The following CTBP2 variants were observed in gnomAD, a reference collection of about 807,000 sequenced individuals.
The protein encoded by CTBP2 is C-terminal binding protein 2.
Under a neutral mutation model 80.3 loss-of-function variants are expected in CTBP2, and 30 were observed. The observed-to-expected ratio is 0.37, with a 90% CI of 0.28 to 0.51. The LOEUF is 0.51. Ranked by LOEUF, CTBP2 falls within the 20% of genes least tolerant of loss-of-function variation. CTBP2 has a pLI of 0.93. For missense variants in CTBP2, 1,212 were observed against 1,375.3 expected, an observed-to-expected ratio of 0.88 and a Z score of 1.88; for synonymous variants, 594 against 587.4, an observed-to-expected ratio of 1.01 and a Z score of -0.16.
intron 2 of CTBP2, among the ~76,000 whole-genome samples, chr10:125,106,408 G>A (rs1486834974): frequency 1.3e-5 from 2 of 152,190 alleles, no homozygotes; most frequent in African/African-American, 4.8e-5. Flanking sequence ...AGCAAGGGAC[G>A]CGGGGCGACC....
chr10:125,146,658 A>C (rs946555490), intron 1 of CTBP2, among the ~76,000 whole-genome samples: 1 of 152,130 alleles, frequency 6.6e-6, no homozygotes, highest in African/African-American at 2.4e-5. Flanking sequence ...GCCCACTCTG[A>C]AGGTGACAAA....
At chr10:125,112,430 G>GTTT (rs59714965) in intron 1 of CTBP2, among the ~76,000 whole-genome samples, 5 of 92,344 alleles carry the variant, frequency 5.4e-5, no homozygotes, top group Non-Finnish European at 6.9e-5. Context: ...TACCTTTTTC[G>GTTT]TTTTTTTTTT....
Position 125,026,525 on chromosome 10 carries a change from T to C in CTBP2, c.1235A>G (p.Gln412Arg), listed in dbSNP as rs1310734622. The change falls in exon 1 of 9, where the codon CAG becomes CGG. Residue 412 changes from glutamine to arginine, a missense_variant. Gln to Arg is a conservative substitution (Grantham distance 43). This residue lies in a region of CTBP2 where 848 missense variants were observed against 782.3 expected (regional missense o/e 1.08). Coordinates refer to ENST00000309035, the MANE Select transcript of CTBP2 (RefSeq NM_022802.3). ...GGTGGCTGCCGTCTCCAGGAGGTGC[T>C]GAGATGGTGCGCTGGAGGGACGGCG... The C allele has an allele frequency of 3.1e-6, 5 of 1,594,386 alleles. No homozygotes were observed. The highest frequency in any genetic ancestry group is 4.6e-5 in the East Asian group (2 of 43,816).
At chr10:125,082,158 G>C (rs1847266262) in intron 2 of CTBP2, among the ~76,000 whole-genome samples, 1 of 152,232 alleles carries the variant, frequency 6.6e-6, no homozygotes, top group Admixed American at 6.5e-5. Context: ...GGCCACGCCG[G>C]AGCTGGGGGC....
chr10:125,050,937 A>T (rs934609082), intron 2 of CTBP2, among the ~76,000 whole-genome samples: 1 of 152,098 alleles, frequency 6.6e-6, no homozygotes, highest in Non-Finnish European at 1.5e-5. Context: ...CTGGAGAGGG[A>T]GACATCTGGA....
intron 2 of CTBP2, among the ~76,000 whole-genome samples, chr10:125,061,378 G>A (rs533568149): frequency 1.7e-4 from 26 of 152,142 alleles, no homozygotes; most frequent in Non-Finnish European, 3.2e-4. Flanking sequence ...CCTTGACGGT[G>A]GCTCCACTGG....
rs752149706 is a variant in CTBP2, at chr10:125,026,320, G to A, written c.1440C>T (p.Tyr480=). 1.2e-5 allele frequency: 19 copies of A among 1,613,826 alleles called. No homozygotes were observed. Among genetic ancestry groups the A allele is most frequent in the Non-Finnish European group, 1.4e-5 (17 of 1,179,986 alleles). ...CCATGGGCACCGTGTATGCCGTGGA[G>A]TAGGCTGTTCTGGGGCCTGGGTGAA... is the stretch of plus-strand genomic sequence containing the variant. The change falls in exon 1 of 9, where the codon TAC becomes TAT. Residue 480 remains tyrosine, a synonymous_variant. Coordinates refer to ENST00000309035, the MANE Select transcript of CTBP2 (RefSeq NM_022802.3).
intron 3 of CTBP2, among the ~76,000 whole-genome samples, chr10:125,034,858 C>T (rs1391964665): frequency 6.6e-6 from 1 of 152,196 alleles, no homozygotes; most frequent in African/African-American, 2.4e-5. Flanking sequence ...GAGAAAGTCA[C>T]TCTCTCATCC....
intron 1 of CTBP2, among the ~76,000 whole-genome samples, chr10:125,125,965 G>C (rs1261404315): frequency 6.6e-6 from 1 of 152,258 alleles, no homozygotes; most frequent in Non-Finnish European, 1.5e-5. Flanking sequence ...TCAGGGCTGA[G>C]CATTCGAGAA....
intron 3 of CTBP2, 102 bp from the exon 6 acceptor site, chr10:124,998,272 C>CG (rs1953933407): frequency 3.8e-6 from 5 of 1,322,582 alleles, no homozygotes; most frequent in Non-Finnish European, 4.2e-6. Flanking sequence ...TTGTTGGCAC[C>CG]GGGGGAGGCC....
At chr10:125,006,106 G>A in intron 1 of CTBP2, 1 of 954,470 alleles carries the variant, frequency 1.0e-6, no homozygotes. Context: ...CCCCGACACG[G>A]GTTGCCTTTC....
chr10:125,019,726 A>G (rs1956861647), intron 1 of CTBP2, among the ~76,000 whole-genome samples: 1 of 152,236 alleles, frequency 6.6e-6, no homozygotes, highest in Non-Finnish European at 1.5e-5. Context: ...ACATAAGAAT[A>G]TATCTTCATG....
At chr10:125,022,415 C>T (rs1234068025) in intron 1 of CTBP2, among the ~76,000 whole-genome samples, 1 of 152,208 alleles carries the variant, frequency 6.6e-6, no homozygotes, top group Non-Finnish European at 1.5e-5. Flanking sequence ...CATCTGGCCA[C>T]AGGCCTGGCA....
chr10:125,067,505 C>T (rs552893955), intron 2 of CTBP2, among the ~76,000 whole-genome samples: 2 of 152,140 alleles, frequency 1.3e-5, no homozygotes, highest in Non-Finnish European at 2.9e-5. Context: ...CTCCATGTAA[C>T]CTTCTAGACG....
intron 2 of CTBP2, among the ~76,000 whole-genome samples, chr10:125,098,007 G>C (rs1472009594): frequency 4.6e-5 from 7 of 152,112 alleles, no homozygotes; most frequent in Non-Finnish European, 1.0e-4. Context: ...TGTAGTCCCA[G>C]CTACTAGGGA....
chr10:125,119,921 A>T (rs1240448660), intron 1 of CTBP2, among the ~76,000 whole-genome samples: 1 of 152,238 alleles, frequency 6.6e-6, no homozygotes, highest in Non-Finnish European at 1.5e-5. Flanking sequence ...CCAACATTGT[A>T]AAGTGGCCCC....
In CTBP2 at chr10:124,988,993, C is replaced by T. The variant is rs1269142222; in HGVS notation, c.*525G>A. 1 of 168,886 alleles carries T rather than the reference C, an allele frequency of 5.9e-6. No homozygotes were observed. The highest frequency in any genetic ancestry group is 1.3e-5 in the Non-Finnish European group (1 of 78,242). 10.5% of individuals were successfully genotyped at this position (168,886 alleles called of 1,614,324 possible). On this transcript the variant is annotated 3_prime_UTR_variant, in exon 9 of 9. Transcript: ENST00000309035. ...GCGCTTCTCTGTACAGCAGCCTGTACTGTCTTCAATCCTATGCGTGCAGGT... is the reference window on the plus strand; with the variant it reads ...GCGCTTCTCTGTACAGCAGCCTGTATTGTCTTCAATCCTATGCGTGCAGGT...
chr10:125,134,058 A>G (rs953329248), intron 1 of CTBP2, among the ~76,000 whole-genome samples: 2 of 152,224 alleles, frequency 1.3e-5, no homozygotes, highest in African/African-American at 2.4e-5. Flanking sequence ...TTTGAAAAGG[A>G]CACGATCAGA....
intron 2 of CTBP2, among the ~76,000 whole-genome samples, chr10:125,050,604 G>A (rs771425253): frequency 2.0e-5 from 3 of 152,126 alleles, no homozygotes; most frequent in East Asian, 1.9e-4. Context: ...ATCAAATGCC[G>A]GGAAAAGGAA....
Sources: gnomAD v4.1 joint callset for allele counts (sites outside exome capture counted in the v4.1 genomes callset) on GRCh38, gnomAD v4.1.1 for gene constraint, gnomAD v4.1.1 regional missense constraint, MANE v1.5 for transcripts, NCBI Gene and HGNC (gene_info 2026-07-23, HGNC 2026-07-21) for gene names.